The following TFB1M variants were observed in gnomAD, a reference collection of about 807,000 sequenced individuals.
TFB1M encodes dimethyladenosine transferase 1, mitochondrial.
In TFB1M, 27 loss-of-function variants were observed where a neutral mutation model predicts 31.1. The observed-to-expected ratio is 0.87, with a 90% CI of 0.64 to 1.20. TFB1M has a LOEUF of 1.20. Ranked by LOEUF, TFB1M falls within the 50% of genes most tolerant of loss-of-function variation. TFB1M has a pLI of 0.00. For missense variants in TFB1M, 394 were observed against 418.7 expected (o/e 0.94, Z 0.51); for synonymous variants, 166 against 151.8 (o/e 1.09, Z -0.69).
chr6:155,287,576 A>G (rs78350445), intron 4 of TFB1M, among the ~76,000 whole-genome samples: 1,886 of 67,398 alleles, frequency 0.028, 29 homozygotes, highest in Non-Finnish European at 0.03. Flanking sequence ...GTGTGTGTGT[A>G]TGTGTGTGTG....
chr6:155,240,434 G>A, the TFB1M span: 4 of 1,351,902 alleles, frequency 3.0e-6, no homozygotes, highest in South Asian at 1.5e-5. Context: ...TGAGATCCCT[G>A]CTGAGCACAG....
the TFB1M span, among the ~76,000 whole-genome samples, chr6:155,233,625 T>C: frequency 1.3e-5 from 2 of 152,160 alleles, no homozygotes; most frequent in Non-Finnish European, 2.9e-5. Flanking sequence ...CATCTATAAA[T>C]AAGATAAAAT....
chr6:155,304,151 G>C (rs139500007), intron 2 of TFB1M, among the ~76,000 whole-genome samples: 1 of 152,000 alleles, frequency 6.6e-6, no homozygotes, highest in Non-Finnish European at 1.5e-5. Context: ...GCATGGTAGC[G>C]GGCGCCTGTA....
the TFB1M span, among the ~76,000 whole-genome samples, chr6:155,230,765 C>T: frequency 7.0e-6 from 1 of 142,494 alleles, no homozygotes; most frequent in Non-Finnish European, 1.5e-5. Context: ...TTATAAAAAT[C>T]TATGCATACA....
chr6:155,276,173 G>A (rs374979138), intron 5 of TFB1M: 132 of 1,614,018 alleles, frequency 8.2e-5, no homozygotes, highest in Non-Finnish European at 1.1e-4. Flanking sequence ...GGATCTGACA[G>A]TTCCAGAAAG....
intron 5 of TFB1M, chr6:155,275,639 G>A (rs1161133517): frequency 2.1e-5 from 29 of 1,379,648 alleles, no homozygotes; most frequent in East Asian, 4.6e-5. Flanking sequence ...GTTCTCTACT[G>A]CACAGAAATA....
At chr6:155,313,066 A>C (rs1328109775) in intron 1 of TFB1M, 1 of 152,066 alleles carries the variant, frequency 6.6e-6, no homozygotes, top group African/African-American at 2.4e-5. Flanking sequence ...TGAGCAACAT[A>C]GTGAAACCCT....
At chr6:155,239,573 A>G in the TFB1M span, among the ~76,000 whole-genome samples, 1 of 152,270 alleles carries the variant, frequency 6.6e-6, no homozygotes, top group African/African-American at 2.4e-5. Context: ...GGATACAGAT[A>G]GGCTGTCTTT....
chr6:155,244,395 A>G, the TFB1M span, among the ~76,000 whole-genome samples: 587 of 152,338 alleles, frequency 3.9e-3, 5 homozygotes, highest in African/African-American at 0.013. Context: ...ACTGACTTAC[A>G]TTTTTCTTAA....
In TFB1M at chr6:155,270,710, C is replaced by T. The variant is rs138022161; in HGVS notation, c.667-10310G>A. On this transcript the variant is annotated intron_variant, in intron 5 of 6. Transcript: ENST00000367166. ...AGAGTGGGGAGCAGCCGGGTCCCTCCATCTGCCATCAGTCAGCCTCACAAA... is the reference window on the plus strand; with the variant it reads ...AGAGTGGGGAGCAGCCGGGTCCCTCTATCTGCCATCAGTCAGCCTCACAAA... Among the ~76,000 whole-genome samples the T allele has an allele frequency of 1.1e-3, 173 of 152,326 alleles. 1 individual carries two copies. Among genetic ancestry groups the T allele is most frequent in the African/African-American group, 3.8e-3 (160 of 41,570 alleles).
chr6:155,276,484 AATG>A, intron 5 of TFB1M: 1 of 1,030,918 alleles, frequency 9.7e-7, no homozygotes, highest in East Asian at 2.6e-5. Flanking sequence ...AAGAAAGTAG[AATG>A]TAAAATACTT....
chr6:155,258,529 T>C (rs1784229915), intron 6 of TFB1M, among the ~76,000 whole-genome samples: 1 of 122,332 alleles, frequency 8.2e-6, no homozygotes, highest in Admixed American at 8.9e-5. Context: ...AGTTACTTTT[T>C]TTTGCTAAAA....
chr6:155,249,977 A>G, the TFB1M span: 4 of 1,607,090 alleles, frequency 2.5e-6, no homozygotes, highest in Non-Finnish European at 3.4e-6. Flanking sequence ...GAGGTCCGTG[A>G]GACATCTGCA....
intron 4 of TFB1M, among the ~76,000 whole-genome samples, chr6:155,294,314 A>G (rs1777068070): frequency 6.6e-6 from 1 of 152,248 alleles, no homozygotes; most frequent in Admixed American, 6.5e-5. Flanking sequence ...AAACACAAAA[A>G]GCACTAGACA....
At chr6:155,251,919 CTTTCTT>C (rs1444050871), downstream of TFB1M, 1 of 1,571,800 alleles carries the variant, frequency 6.4e-7, no homozygotes. Flanking sequence ...AAAATAAAGA[CTTTCTT>C]TCTCTTTTCC....
intron 4 of TFB1M, among the ~76,000 whole-genome samples, chr6:155,290,169 G>A (rs972577846): frequency 2.6e-5 from 4 of 151,978 alleles, no homozygotes; most frequent in African/African-American, 4.8e-5. Flanking sequence ...TGTGGATCAC[G>A]AGGTCAGGAG....
chr6:155,294,593 C>T (rs181309079), intron 4 of TFB1M, among the ~76,000 whole-genome samples: 20 of 152,138 alleles, frequency 1.3e-4, no homozygotes, highest in Non-Finnish European at 2.6e-4. Flanking sequence ...CCAGCAAGGA[C>T]AAAAGAAAAC....
At chr6:155,288,035 A>G (rs1055662055) in intron 4 of TFB1M, among the ~76,000 whole-genome samples, 1 of 152,226 alleles carries the variant, frequency 6.6e-6, no homozygotes, top group African/African-American at 2.4e-5. Flanking sequence ...ATGCACACAC[A>G]TAGTCTAATC....
chr6:155,254,274 C>A, downstream of TFB1M: 5 of 1,099,614 alleles, frequency 4.5e-6, no homozygotes, highest in Non-Finnish European at 6.5e-6. Flanking sequence ...TCCTTCTGTA[C>A]GGGAGGCCAC....
Sources: gnomAD v4.1 joint callset for allele counts (sites outside exome capture counted in the v4.1 genomes callset) on GRCh38, gnomAD v4.1.1 for gene constraint, MANE v1.5 for transcripts, NCBI Gene and HGNC (gene_info 2026-07-23, HGNC 2026-07-21) for gene names.